MYO9A: variants seen among roughly 807,000 people sequenced by gnomAD.
The protein encoded by MYO9A is myosin IXA.
MYO9A carries 103 observed loss-of-function variants against 293.3 expected under a neutral mutation model. The observed-to-expected ratio is 0.35, with a 90% CI of 0.30 to 0.41. MYO9A has a LOEUF of 0.41. Ranked by LOEUF, MYO9A falls within the 10% of genes least tolerant of loss-of-function variation. MYO9A has a pLI of 1.00. For synonymous variants in MYO9A, 1,001 were observed against 1,035.7 expected, an observed-to-expected ratio of 0.97 and a Z score of 0.64; for missense variants, 2,685 against 3,033.0, an observed-to-expected ratio of 0.89 and a Z score of 2.69.
rs11368306 is a variant in MYO9A at position 71,825,995 on chromosome 15, G to GTTTTTTTTT, written c.*576_*584dup. On this transcript the variant is annotated 3_prime_UTR_variant, in exon 42 of 42. Coordinates refer to ENST00000356056, the MANE Select transcript of MYO9A (RefSeq NM_006901.4). ...ATGGAAACAATCACGGTTTTTTTTTGTTTTTTTTTTTTTGTTTTTTTTTTT... is the reference window on the plus strand; with the variant it reads ...ATGGAAACAATCACGGTTTTTTTTTGTTTTTTTTTTTTTTTTTTTTTTGTTTTTTTTTTT... 4.3e-4 allele frequency: 39 copies of GTTTTTTTTT among 91,496 alleles called. No homozygotes were observed. Among genetic ancestry groups the GTTTTTTTTT allele is most frequent in the African/African-American group, 9.7e-4 (22 of 22,724 alleles). The allele number at this position is 91,496 out of a possible 1,614,324, so 5.7% of individuals were successfully genotyped here.
At chr15:72,007,591 G>C (rs1312231432) in intron 8 of MYO9A, among the ~76,000 whole-genome samples, 3 of 152,114 alleles carry the variant, frequency 2.0e-5, no homozygotes, top group African/African-American at 7.2e-5. Flanking sequence ...GATGTCTGGA[G>C]CAAGTGGAGG....
chr15:71,849,899 A>T, intron 38 of MYO9A, 137 bp downstream of exon 38: 1 of 981,534 alleles, frequency 1.0e-6, no homozygotes, highest in Non-Finnish European at 1.5e-6. Context: ...CAGCATAAGA[A>T]AACCCAGCAG....
intron 1 of MYO9A, among the ~76,000 whole-genome samples, chr15:72,112,080 A>AT (rs1190352986): frequency 2.0e-5 from 3 of 152,212 alleles, no homozygotes; most frequent in Non-Finnish European, 4.4e-5. Flanking sequence ...AGATTCACAG[A>AT]TATAAAAGCC....
At chr15:72,008,343 A>AT (rs916603027) in intron 7 of MYO9A, among the ~76,000 whole-genome samples, 3 of 151,906 alleles carry the variant, frequency 2.0e-5, no homozygotes, top group African/African-American at 7.3e-5. Context: ...TTGAATCTGT[A>AT]TTTTTTAAAT....
intron 32 of MYO9A, among the ~76,000 whole-genome samples, chr15:71,865,962 C>A (rs2141912037): frequency 6.6e-6 from 1 of 152,102 alleles, no homozygotes; most frequent in East Asian, 1.9e-4. Flanking sequence ...ATTCAAGAAT[C>A]AAAACTTAAT....
At chr15:72,083,845 G>C (rs1230157810) in intron 1 of MYO9A, among the ~76,000 whole-genome samples, 1 of 152,206 alleles carries the variant, frequency 6.6e-6, no homozygotes, top group African/African-American at 2.4e-5. Context: ...TAATTTTATT[G>C]CACTGTGGCC....
At chr15:72,089,413 C>CA (rs1279954981) in intron 1 of MYO9A, among the ~76,000 whole-genome samples, 1 of 152,062 alleles carries the variant, frequency 6.6e-6, no homozygotes, top group Non-Finnish European at 1.5e-5. Context: ...CCTCCCACCT[C>CA]AGCCTCCCAA....
intron 1 of MYO9A, among the ~76,000 whole-genome samples, chr15:72,073,140 G>A (rs1596511627): frequency 1.3e-5 from 2 of 152,146 alleles, no homozygotes; most frequent in East Asian, 3.9e-4. Flanking sequence ...CAAACCATTT[G>A]TTCCCACAAG....
upstream of MYO9A, chr15:72,118,322 A>G (rs1317420478): frequency 1.4e-5 from 3 of 218,130 alleles, no homozygotes; most frequent in African/African-American, 6.9e-5. Context: ...CAGAGCAGGG[A>G]ACTCAGCTTT....
chr15:72,109,061 C>T (rs1450783103), intron 1 of MYO9A, among the ~76,000 whole-genome samples: 3 of 152,244 alleles, frequency 2.0e-5, no homozygotes, highest in Non-Finnish European at 4.4e-5. Flanking sequence ...CGGCACCCAG[C>T]CGCAACTTAC....
intron 2 of MYO9A, chr15:72,040,379 G>A (rs1318449055): frequency 6.6e-6 from 1 of 152,286 alleles, no homozygotes; most frequent in Non-Finnish European, 1.5e-5. Context: ...AAGACAGGGT[G>A]AAGACTTGTG....
chr15:72,056,762 G>C (rs1431116423), intron 1 of MYO9A, among the ~76,000 whole-genome samples: 2 of 152,158 alleles, frequency 1.3e-5, no homozygotes. Context: ...GATCACCTGA[G>C]GTCAGGAGTT....
rs1422569258 is a variant in MYO9A at position 71,897,664 on chromosome 15, T to C, written c.4839A>G (p.Gln1613=). The C allele has an allele frequency of 1.2e-6, 2 of 1,614,050 alleles. No individual in the cohort carries two copies. The highest frequency in any genetic ancestry group is 1.1e-5 in the South Asian group (1 of 91,088). The change falls in exon 25 of 42, where the codon CAA becomes CAG. Residue 1613 remains glutamine (Q), a synonymous_variant. Transcript: ENST00000356056. ...TGGATAATTCCTTGACAGTACTAGA[T>C]TGGCATGGACTTCCTTTTCTTTCAA... The part of the protein sequence containing the change: ...VFFERKGSPC[Q]SSTVKELSKT...
At chr15:71,859,268 G>A (rs554033709) in intron 34 of MYO9A, among the ~76,000 whole-genome samples, 1 of 152,114 alleles carries the variant, frequency 6.6e-6, no homozygotes, top group Admixed American at 6.5e-5. Flanking sequence ...GAAACATAAG[G>A]TATCAAACAG....
chr15:71,904,918 AT>A lies in MYO9A; in HGVS notation c.2766+7del. On this transcript the variant is annotated splice_region_variant and intron_variant, in intron 20 of 41. Coordinates refer to ENST00000356056, the MANE Select transcript of MYO9A (RefSeq NM_006901.4). ...AGATATGTGCTCTCATTTATAGGAC[AT>A]TTTTACCTTTTCAGCATTAGAGCGA... 2 of 1,593,428 alleles carry A rather than the reference AT, an allele frequency of 1.3e-6. No homozygotes were observed. Among genetic ancestry groups the A allele is most frequent in the Non-Finnish European group, 8.6e-7 (1 of 1,165,574 alleles).
rs887819082 is a variant in MYO9A, at chr15:71,969,439, C to T, written c.1845-1314G>A. Among the ~76,000 whole-genome samples, 7 of 152,162 alleles carry T rather than the reference C, an allele frequency of 4.6e-5. 1 individual carries two copies. The stretch of plus-strand genomic sequence containing the variant: ...AAGCATATTATCAAAATAAATTTTC[C>T]TATAATAGTGCTTTAATCATGTGCC... On this transcript the variant is annotated intron_variant, in intron 12 of 41. Transcript: ENST00000356056.
At chr15:71,831,245 A>G (rs1224789323) in intron 39 of MYO9A, among the ~76,000 whole-genome samples, 2 of 152,222 alleles carry the variant, frequency 1.3e-5, no homozygotes, top group Non-Finnish European at 2.9e-5. Flanking sequence ...CGTGTGGCAA[A>G]TCTAGCCTTG....
intron 19 of MYO9A, among the ~76,000 whole-genome samples, chr15:71,910,435 TTGGCTATAC>T (rs2057813890): frequency 1.3e-5 from 2 of 152,098 alleles, no homozygotes; most frequent in Admixed American, 1.3e-4. Flanking sequence ...GATCCATTAT[TTGGCTATAC>T]TGGCTATACT....
intron 39 of MYO9A, 42 bp downstream of exon 39, chr15:71,848,803 G>T (rs1379169994): frequency 3.8e-6 from 6 of 1,568,186 alleles, no homozygotes; most frequent in South Asian, 1.2e-5. Flanking sequence ...AAATTCCCAA[G>T]ACAACTCCCA....
Sources: allele counts gnomAD v4.1 joint callset (sites outside exome capture counted in the v4.1 genomes callset), GRCh38; gene constraint gnomAD v4.1.1; transcripts MANE v1.5; gene names NCBI Gene and HGNC (gene_info 2026-07-23, HGNC 2026-07-21).